Variants in SDK1 observed in about 807,000 individuals in gnomAD.
SDK1 encodes protein sidekick-1.
A neutral mutation model predicts 245.5 loss-of-function variants in SDK1; 157 were observed. The observed-to-expected ratio is 0.64, with a 90% CI of 0.56 to 0.73. SDK1 has a LOEUF of 0.73. SDK1 is among the 30% of genes least tolerant of loss of function. The pLI, the probability that SDK1 is intolerant of heterozygous loss-of-function variation, is 0.00. For missense variants in SDK1, 3,583 were observed against 3,002.3 expected (o/e 1.19, Z -4.52); for synonymous variants, 1,647 against 1,278.5 (o/e 1.29, Z -6.15).
At chr7:3,367,627 A>G (rs904584931) in intron 1 of SDK1, among the ~76,000 whole-genome samples, 2 of 152,144 alleles carry the variant, frequency 1.3e-5, no homozygotes, top group Non-Finnish European at 2.9e-5. Context: ...TAGTCTGTGG[A>G]CAGATTTGCT....
intron 23 of SDK1, 115 bp from the exon 24 acceptor site, chr7:4,113,174 T>G (rs926323128): frequency 1.8e-6 from 2 of 1,085,776 alleles, no homozygotes; most frequent in African/African-American, 3.2e-5. Flanking sequence ...CTTTATGATA[T>G]GAGTAGACAC....
chr7:4,149,754 C>T (rs1333334416), intron 30 of SDK1, among the ~76,000 whole-genome samples: 2 of 152,070 alleles, frequency 1.3e-5, no homozygotes, highest in Non-Finnish European at 2.9e-5. Flanking sequence ...TGATGGGGGG[C>T]AGGCTGGACA....
intron 4 of SDK1, among the ~76,000 whole-genome samples, chr7:3,818,180 A>G (rs942517585): frequency 2.0e-5 from 3 of 152,218 alleles, no homozygotes; most frequent in African/African-American, 7.2e-5. Flanking sequence ...TAAGGAAGTA[A>G]TTTTATTTAA....
chr7:3,650,485 CGTA>C (rs1191886981), intron 4 of SDK1, among the ~76,000 whole-genome samples: 3 of 152,098 alleles, frequency 2.0e-5, no homozygotes, highest in Non-Finnish European at 4.4e-5. Context: ...TTTAATTAAA[CGTA>C]GTATCTGAGA....
intron 1 of SDK1, among the ~76,000 whole-genome samples, chr7:3,456,891 T>C (rs1281675773): frequency 6.6e-6 from 1 of 152,184 alleles, no homozygotes; most frequent in African/African-American, 2.4e-5. Context: ...GGCCTGCTTT[T>C]GTGGGTGGTT....
At chr7:3,550,927 TTTC>T (rs1365434065) in intron 1 of SDK1, among the ~76,000 whole-genome samples, 3 of 152,224 alleles carry the variant, frequency 2.0e-5, no homozygotes, top group East Asian at 1.9e-4. Context: ...TAGTTCAGAC[TTTC>T]TTCTTATCAT....
chr7:3,919,304 G>A (rs1200620956), intron 5 of SDK1, among the ~76,000 whole-genome samples: 1 of 152,222 alleles, frequency 6.6e-6, no homozygotes, highest in Non-Finnish European at 1.5e-5. Context: ...TGCATGGCCG[G>A]CCTTGCAGCC....
intron 32 of SDK1, among the ~76,000 whole-genome samples, chr7:4,173,072 CA>C (rs1021837182): frequency 4.6e-5 from 7 of 152,226 alleles, no homozygotes; most frequent in Non-Finnish European, 1.0e-4. Flanking sequence ...TGGCTCCGCC[CA>C]GGGAGCAGGA....
chr7:3,911,762 T>C (rs1263335109), intron 5 of SDK1, among the ~76,000 whole-genome samples: 1 of 152,152 alleles, frequency 6.6e-6, no homozygotes, highest in Admixed American at 6.5e-5. Context: ...GTCACACAGA[T>C]GTGAAAATGA....
intron 4 of SDK1, among the ~76,000 whole-genome samples, chr7:3,664,161 T>C (rs1783453034): frequency 6.6e-6 from 1 of 152,140 alleles, no homozygotes; most frequent in Non-Finnish European, 1.5e-5. Flanking sequence ...TCTTTCTTCT[T>C]GGTGGAATGC....
At chr7:3,409,878 G>A (rs370955673) in intron 1 of SDK1, among the ~76,000 whole-genome samples, 102 of 152,150 alleles carry the variant, frequency 6.7e-4, no homozygotes, top group South Asian at 4.1e-3. Context: ...GCGAATGAGC[G>A]TATATATTTG....
At chr7:4,233,203 C>T in intron 40 of SDK1, 52 bp from the exon 41 acceptor site, 3 of 1,568,180 alleles carry the variant, frequency 1.9e-6, no homozygotes, top group Non-Finnish European at 2.6e-6. Flanking sequence ...GGGCTCGCAT[C>T]TGGGACTTCG....
intron 1 of SDK1, among the ~76,000 whole-genome samples, chr7:3,455,890 G>C (rs909634540): frequency 5.9e-5 from 9 of 152,214 alleles, no homozygotes; most frequent in African/African-American, 2.2e-4. Context: ...TCTATAAGGT[G>C]ACATTCTATG....
intron 22 of SDK1, among the ~76,000 whole-genome samples, chr7:4,081,026 G>A (rs1274930883): frequency 6.6e-6 from 1 of 152,226 alleles, no homozygotes; most frequent in Non-Finnish European, 1.5e-5. Context: ...GAAGTAGCCA[G>A]GCAATACTTT....
chr7:4,190,590 G>T (rs1345261826), intron 35 of SDK1, among the ~76,000 whole-genome samples: 1 of 152,224 alleles, frequency 6.6e-6, no homozygotes, highest in Non-Finnish European at 1.5e-5. Context: ...AGAGACTGTG[G>T]GATGCAGGTG....
chr7:4,191,716 G>T (rs143136014), intron 35 of SDK1, among the ~76,000 whole-genome samples: 277 of 152,364 alleles, frequency 1.8e-3, no homozygotes, highest in African/African-American at 6.4e-3. Context: ...AGTCTGCAAG[G>T]GTTAGGGTCT....
rs552216610 is a variant in SDK1 at position 3,946,158 on chromosome 7, C to T, written c.848-4765C>T. On this transcript the variant is annotated intron_variant, in intron 5 of 44. Transcript: ENST00000404826. ...GTTACCTAGCACAATGTATAAACCC[C>T]CCTACACTTAGACACGTTTTATTTT... 3.3e-5 allele frequency among the ~76,000 whole-genome samples: 5 copies of T among 149,570 alleles called. No homozygotes were observed. In the South Asian group the frequency reaches 1.1e-3, roughly 32 times the overall value.
chr7:3,389,124 A>T (rs140253834), intron 1 of SDK1, among the ~76,000 whole-genome samples: 3 of 152,270 alleles, frequency 2.0e-5, no homozygotes, highest in Non-Finnish European at 2.9e-5. Context: ...GGGCAGATGT[A>T]AAGGAGTGGG....
intron 35 of SDK1, among the ~76,000 whole-genome samples, chr7:4,180,943 A>G (rs886123753): frequency 1.3e-5 from 2 of 152,202 alleles, no homozygotes; most frequent in Middle Eastern, 3.2e-3. Context: ...TCCAGGCCAT[A>G]TAAGTCTGTC....
Sources: allele counts gnomAD v4.1 joint callset (sites outside exome capture counted in the v4.1 genomes callset), GRCh38; gene constraint gnomAD v4.1.1; transcripts MANE v1.5; gene names NCBI Gene and HGNC (gene_info 2026-07-23, HGNC 2026-07-21).